The following CLDN10 variants were observed in gnomAD, a reference collection of about 807,000 sequenced individuals.
CLDN10 encodes the protein claudin 10.
A neutral mutation model predicts 22.9 loss-of-function variants in CLDN10; 15 were observed. The observed-to-expected ratio is 0.65, with a 90% CI of 0.44 to 1.01. The LOEUF (loss-of-function observed/expected upper bound fraction) is 1.01, where lower values mean the gene tolerates loss of function less well. CLDN10 is among the 50% of genes least tolerant of loss of function. The pLI is 0.00. For missense variants in CLDN10, 247 were observed against 287.8 expected (o/e 0.86, Z 1.03); for synonymous variants, 114 against 111.4 (o/e 1.02, Z -0.15).
At chr13:95,557,058 T>A (rs746866651) in intron 1 of CLDN10, among the ~76,000 whole-genome samples, 4 of 152,242 alleles carry the variant, frequency 2.6e-5, no homozygotes, top group African/African-American at 4.8e-5. Flanking sequence ...GAACTTCAGC[T>A]GAGTATGATT....
At chr13:95,522,541 G>A (rs551968418) in intron 1 of CLDN10, among the ~76,000 whole-genome samples, 1 of 152,132 alleles carries the variant, frequency 6.6e-6, no homozygotes, top group East Asian at 1.9e-4. Flanking sequence ...TTCCATGGAT[G>A]CTTGATTCAA....
intron 1 of CLDN10, among the ~76,000 whole-genome samples, chr13:95,507,281 A>G (rs891352030): frequency 4.6e-5 from 7 of 152,180 alleles, no homozygotes; most frequent in African/African-American, 9.7e-5. Flanking sequence ...CTTTATTCTG[A>G]TGTCTCCTTC....
At chr13:95,492,490 G>A (rs1023336307) in intron 1 of CLDN10, among the ~76,000 whole-genome samples, 2 of 152,070 alleles carry the variant, frequency 1.3e-5, no homozygotes, top group South Asian at 2.1e-4. Flanking sequence ...CACAGAAACC[G>A]AAGGGTCGGC....
intron 1 of CLDN10, among the ~76,000 whole-genome samples, chr13:95,434,312 G>A (rs962438263): frequency 6.6e-6 from 1 of 152,064 alleles, no homozygotes; most frequent in Admixed American, 6.5e-5. Flanking sequence ...GGAAGTGACT[G>A]GATTGTTTTA....
At chr13:95,473,815 C>A (rs2042659269) in intron 1 of CLDN10, among the ~76,000 whole-genome samples, 1 of 152,214 alleles carries the variant, frequency 6.6e-6, no homozygotes, top group Non-Finnish European at 1.5e-5. Flanking sequence ...AGAAAACCTT[C>A]AAAGGCCAGC....
chr13:95,549,081 C>T (rs1302608220), upstream of CLDN10, among the ~76,000 whole-genome samples: 1 of 152,178 alleles, frequency 6.6e-6, no homozygotes, highest in Non-Finnish European at 1.5e-5. Flanking sequence ...ACTTAGACCT[C>T]AAAAGTAGAA....
intron 1 of CLDN10, among the ~76,000 whole-genome samples, chr13:95,509,650 C>T (rs1205835543): frequency 3.9e-5 from 6 of 152,224 alleles, no homozygotes; most frequent in Admixed American, 3.9e-4. Context: ...TAAGTCAGCA[C>T]TCATATAGTA....
intron 3 of CLDN10, among the ~76,000 whole-genome samples, chr13:95,566,497 G>C (rs1306516941): frequency 6.6e-6 from 1 of 152,154 alleles, no homozygotes; most frequent in Admixed American, 6.5e-5. Flanking sequence ...ATTTGTTTGA[G>C]TTCATTGTAG....
intron 1 of CLDN10, among the ~76,000 whole-genome samples, chr13:95,544,755 C>A (rs1481267977): frequency 2.0e-5 from 3 of 151,816 alleles, no homozygotes; most frequent in Non-Finnish European, 4.4e-5. Flanking sequence ...TTGAGGAGAA[C>A]CTAGATGAAA....
At chr13:95,492,290 G>A (rs1433915016) in intron 1 of CLDN10, among the ~76,000 whole-genome samples, 1 of 151,848 alleles carries the variant, frequency 6.6e-6, no homozygotes, top group African/African-American at 2.4e-5. Context: ...TAAGGTGGGG[G>A]CGGGGCTGGG....
chr13:95,563,547 T>C (rs529256394), intron 3 of CLDN10, among the ~76,000 whole-genome samples: 6 of 152,310 alleles, frequency 3.9e-5, no homozygotes, highest in Admixed American at 2.0e-4. Flanking sequence ...AAACCTGATA[T>C]TGAGAATGAG....
At chr13:95,434,096 C>A in intron 1 of CLDN10, 1 of 1,520,114 alleles carries the variant, frequency 6.6e-7, no homozygotes, top group Non-Finnish European at 9.1e-7. Context: ...TACTTTTCCC[C>A]CCGACTGTGC....
intron 1 of CLDN10, among the ~76,000 whole-genome samples, chr13:95,500,950 T>C (rs990132368): frequency 1.3e-5 from 2 of 152,152 alleles, no homozygotes; most frequent in African/African-American, 4.8e-5. Context: ...GGGCGCGGCA[T>C]GTAAGGGATA....
chr13:95,512,121 C>CT lies in CLDN10; in HGVS notation c.215-48002dup, dbSNP rs57359573. Among the ~76,000 whole-genome samples, 6 of 10,494 alleles carry CT rather than the reference C, an allele frequency of 5.7e-4. 1 individual carries two copies. The highest frequency in any genetic ancestry group is 1.8e-3 in the Admixed American group (1 of 548). The allele number at this position is 10,494 out of a possible 152,430, so 6.9% of individuals were successfully genotyped here. On this transcript the variant is annotated intron_variant, in intron 1 of 4. Coordinates refer to the CLDN10 transcript ENST00000376873. ...TCATCTCAGACAAAGATCGTCTCTC[C>CT]TTTTTTTTTGGTTTTTGTTTGTTTG... is the stretch of plus-strand genomic sequence containing the variant.
chr13:95,503,554 G>T (rs1207389079), intron 1 of CLDN10, among the ~76,000 whole-genome samples: 1 of 152,146 alleles, frequency 6.6e-6, no homozygotes, highest in African/African-American at 2.4e-5. Context: ...GTTTATAGCA[G>T]CACTGTTTAT....
chr13:95,451,350 A>G lies in CLDN10; in HGVS notation c.214+17303A>G, dbSNP rs9524973. On this transcript the variant is annotated intron_variant, in intron 1 of 4. Transcript: ENST00000376873. ...CTCTCTTCCTTCAAACTCCACCTCCAATGCCATTTGTTATTCAAAGCCTTT... is the reference window on the plus strand; with the variant it reads ...CTCTCTTCCTTCAAACTCCACCTCCGATGCCATTTGTTATTCAAAGCCTTT... 5.9e-3 allele frequency among the ~76,000 whole-genome samples: 893 copies of G among 152,258 alleles called. 6 individuals are homozygous for G. The highest frequency in any genetic ancestry group is 9.4e-3 in the Non-Finnish European group (639 of 68,012).
chr13:95,474,983 G>C (rs2042671606), intron 1 of CLDN10, among the ~76,000 whole-genome samples: 1 of 152,176 alleles, frequency 6.6e-6, no homozygotes. Flanking sequence ...CTCACATCTT[G>C]GTGGAGAGGA....
At chr13:95,457,578 C>T (rs905784629) in intron 1 of CLDN10, among the ~76,000 whole-genome samples, 3 of 152,120 alleles carry the variant, frequency 2.0e-5, no homozygotes, top group African/African-American at 7.2e-5. Flanking sequence ...TAGTTTCCTA[C>T]TCGAGTTTCA....
At chr13:95,461,124 AATT>A (rs2042533097) in intron 1 of CLDN10, among the ~76,000 whole-genome samples, 1 of 151,830 alleles carries the variant, frequency 6.6e-6, no homozygotes, top group African/African-American at 2.4e-5. Flanking sequence ...AAGAAGAAAA[AATT>A]ATTTTTTAGA....
Sources: allele counts gnomAD v4.1 joint callset (sites outside exome capture counted in the v4.1 genomes callset), GRCh38; gene constraint gnomAD v4.1.1; transcripts MANE v1.5; gene names NCBI Gene and HGNC (gene_info 2026-07-23, HGNC 2026-07-21).